The following EARS2 variants were observed in gnomAD, a reference collection of about 807,000 sequenced individuals.
The protein encoded by EARS2 is nondiscriminating glutamyl-tRNA synthetase EARS2, mitochondrial.
Under a neutral mutation model 54.1 loss-of-function variants are expected in EARS2, and 50 were observed. The observed-to-expected ratio is 0.92, with a 90% confidence interval of 0.74 to 1.17. EARS2 has a LOEUF of 1.17. Among genes scored for constraint, EARS2 ranks in the 50% most tolerant of loss-of-function variants. EARS2 has a pLI of 0.00. For missense variants in EARS2, 673 were observed against 675.0 expected (o/e 1.00, Z 0.03); for synonymous variants, 298 against 281.0 (o/e 1.06, Z -0.61).
At chr16:23,549,188 G>A (rs967714349) in intron 2 of EARS2, among the ~76,000 whole-genome samples, 5 of 152,222 alleles carry the variant, frequency 3.3e-5, no homozygotes, top group African/African-American at 1.2e-4. Context: ...AGCTGAGACA[G>A]TGCTGGGGAC....
chr16:23,557,035 T>G, intron 1 of EARS2, 170 bp downstream of exon 1: 1 of 1,018,432 alleles, frequency 9.8e-7, no homozygotes, highest in Non-Finnish European at 1.5e-6. Flanking sequence ...ATTTGAATTA[T>G]TTCCGCTCCT....
At chr16:23,533,000 T>C (rs1965352505) in intron 4 of EARS2, among the ~76,000 whole-genome samples, 3 of 152,118 alleles carry the variant, frequency 2.0e-5, no homozygotes, top group African/African-American at 2.4e-5. Flanking sequence ...TAAATTTTTC[T>C]GTAGAGCCAG....
intron 1 of EARS2, among the ~76,000 whole-genome samples, chr16:23,555,620 A>G (rs562585668): frequency 6.6e-6 from 1 of 152,380 alleles, no homozygotes; most frequent in African/African-American, 2.4e-5. Flanking sequence ...AAAGTGTGCA[A>G]TCCAGTGCTG....
chr16:23,526,772 A>G (rs1965235560), intron 7 of EARS2, among the ~76,000 whole-genome samples: 1 of 151,992 alleles, frequency 6.6e-6, no homozygotes, highest in Admixed American at 6.6e-5. Context: ...CAACCCCCAC[A>G]TCCTGGCAGT....
intron 5 of EARS2, among the ~76,000 whole-genome samples, chr16:23,530,191 T>C (rs1965300942): frequency 6.6e-6 from 1 of 152,122 alleles, no homozygotes; most frequent in African/African-American, 2.4e-5. Context: ...AGTACCACGA[T>C]CATGGCTCAC....
chr16:23,536,166 C>T (rs1370101800), intron 3 of EARS2, among the ~76,000 whole-genome samples: 2 of 152,156 alleles, frequency 1.3e-5, no homozygotes, highest in East Asian at 1.9e-4. Flanking sequence ...TAACTAGGTC[C>T]CCAGGTGATC....
rs975878878 is a variant in EARS2 at position 23,544,955 on chromosome 16, C to A, written c.296-252G>T. The stretch of plus-strand genomic sequence containing the variant: ...CTCCCAAGTTCAAGCGGTTCTCCTG[C>A]CTCAGCCTCCCGAATAGCTGGGATT... On this transcript the variant is annotated intron_variant, in intron 2 of 8. Coordinates refer to ENST00000449606, the MANE Select transcript of EARS2 (RefSeq NM_001083614.2). The A allele has an allele frequency of 2.4e-4, 91 of 375,278 alleles. No homozygotes were observed. In the Admixed American group the frequency reaches 3.4e-3, roughly 14 times the overall value. 23.2% of individuals were successfully genotyped at this position (375,278 alleles called of 1,614,324 possible). A position where few individuals can be genotyped will look rare whatever the true frequency, so the allele number is the denominator to read the frequency against.
At chr16:23,557,112 T>C (rs1162103125) in intron 1 of EARS2, 93 bp downstream of exon 1, 3 of 1,468,024 alleles carry the variant, frequency 2.0e-6, no homozygotes, top group South Asian at 1.4e-5. Context: ...CCGCCCACTC[T>C]GACACCACCG....
rs758908508 is a variant in EARS2, at chr16:23,535,305, T to C, written c.541A>G (p.Lys181Glu). ...AAGCGGATCGCAGGCTTGGGGTCCTTGGCCAGCTTCTGGGCCACCTGCTCC... is the reference window on the plus strand; with the variant it reads ...AAGCGGATCGCAGGCTTGGGGTCCTCGGCCAGCTTCTGGGCCACCTGCTCC... ...SQEQVAQKLA[K>E]DPKPAIRFRL... The change falls in exon 4 of 9, where the codon AAG (lysine) becomes GAG (glutamate). Residue 181 changes from lysine (K) to glutamate (E), a missense_variant. Physicochemically the swap from Lys to Glu is moderately conservative, Grantham distance 56. Coordinates refer to ENST00000449606, the MANE Select transcript of EARS2 (RefSeq NM_001083614.2). 17 of 1,603,708 alleles carry C rather than the reference T, an allele frequency of 1.1e-5. No homozygotes were observed. Among genetic ancestry groups the C allele is most frequent in the Non-Finnish European group, 1.3e-5 (15 of 1,179,960 alleles).
rs1331024941 is a variant in EARS2, at chr16:23,557,306, C to T, written c.38G>A (p.Arg13Lys). The change falls in exon 1 of 9, where the codon AGG becomes AAG. Residue 13 changes from arginine to lysine, a missense_variant. Arg to Lys is a conservative substitution (Grantham distance 26). Transcript: ENST00000449606. Reference protein sequence around the residue: ...ALLRRLLQRERPSAASGRPVG... With the variant: ...ALLRRLLQREKPSAASGRPVG... ...GGGGCGGCCAGAGGCCGCCGAAGGC[C>T]TCTCGCGCTGCAGCAGTCTCCTCAG... is the stretch of plus-strand genomic sequence containing the variant. 2.0e-6 allele frequency: 3 copies of T among 1,522,386 alleles called. No individual in the cohort carries two copies. Among genetic ancestry groups the T allele is most frequent in the South Asian group, 2.4e-5 (2 of 82,016 alleles). The allele number at this position is 1,522,386 out of a possible 1,614,324, so 94.3% of individuals were successfully genotyped here.
At chr16:23,553,706 A>G (rs948122086) in intron 1 of EARS2, among the ~76,000 whole-genome samples, 14 of 152,100 alleles carry the variant, frequency 9.2e-5, no homozygotes, top group Admixed American at 2.6e-4. Flanking sequence ...CCTGGCCAAC[A>G]TGTTGAAACC....
At chr16:23,541,042 T>C (rs1965503629) in intron 3 of EARS2, among the ~76,000 whole-genome samples, 1 of 150,890 alleles carries the variant, frequency 6.6e-6, no homozygotes, top group South Asian at 2.1e-4. Flanking sequence ...AGGCCGAGTG[T>C]CGTAGCTCAT....
chr16:23,552,034 C>T, intron 2 of EARS2, 115 bp downstream of exon 2: 1 of 1,338,896 alleles, frequency 7.5e-7, no homozygotes, highest in Non-Finnish European at 1.0e-6. Flanking sequence ...CAAATGTAGC[C>T]ACTTCTCCAG....
At chr16:23,553,960 C>T (rs1348960812) in intron 1 of EARS2, among the ~76,000 whole-genome samples, 3 of 151,316 alleles carry the variant, frequency 2.0e-5, no homozygotes, top group Admixed American at 6.6e-5. Flanking sequence ...CTGTCCACGT[C>T]GTACATTTTA....
chr16:23,535,445 T>G, intron 3 of EARS2, 85 bp from the exon 4 acceptor site: 1 of 1,308,170 alleles, frequency 7.6e-7, no homozygotes, highest in Non-Finnish European at 1.1e-6. Context: ...TGTGTGACCT[T>G]AAGCAAGTCA....
In EARS2 at chr16:23,552,323, CAG is replaced by C; in HGVS notation, c.140-21_140-20del. ...AAGAAGCCTGGAGAAGAGAACAGCT[CAG>C]ATAAGACAGGGAAGATAAGCTAATA... On this transcript the variant is annotated intron_variant, in intron 1 of 8. Coordinates refer to ENST00000449606, the MANE Select transcript of EARS2 (RefSeq NM_001083614.2). 1.2e-6 allele frequency: 2 copies of C among 1,612,258 alleles called. No homozygotes were observed. Among genetic ancestry groups the C allele is most frequent in the Non-Finnish European group, 1.7e-6 (2 of 1,178,502 alleles).
At chr16:23,529,924 T>C (rs1222409087) in intron 5 of EARS2, 27 bp from the exon 6 acceptor site, 4 of 1,611,568 alleles carry the variant, frequency 2.5e-6, no homozygotes, top group Non-Finnish European at 3.4e-6. Context: ...GGGGCTGCCC[T>C]GCTGTCAACA....
chr16:23,557,050 C>T lies in EARS2; in HGVS notation c.139+155G>A, dbSNP rs1014735170. The T allele has an allele frequency of 4.6e-5, 52 of 1,139,918 alleles. No individual in the cohort carries two copies. In the African/African-American group the frequency reaches 6.8e-4, roughly 15 times the overall value. The allele number at this position is 1,139,918 out of a possible 1,614,324, so 70.6% of individuals were successfully genotyped here. On this transcript the variant is annotated intron_variant, in intron 1 of 8. Transcript: ENST00000449606. Reference sequence around the variant, plus strand: ...ATTTGAATTATTTCCGCTCCTGCACCTCAGTTTCCGCCTCTGTAAAATGGG... The same window carrying T: ...ATTTGAATTATTTCCGCTCCTGCACTTCAGTTTCCGCCTCTGTAAAATGGG...
rs1965178572 is a variant in EARS2, at chr16:23,523,771, G to A, written c.*600C>T. On this transcript the variant is annotated 3_prime_UTR_variant, in exon 9 of 9. Transcript: ENST00000449606. ...AGAGGTGATTAACTTAAATGAGGCT[G>A]GTTAAAGTTAAAATCCAGTCCAACT... The A allele has an allele frequency of 6.6e-6, 1 of 152,290 alleles. No individual in the cohort carries two copies. Among genetic ancestry groups the A allele is most frequent in the African/African-American group, 2.4e-5 (1 of 41,422 alleles). The allele number at this position is 152,290 out of a possible 1,614,324, so 9.4% of individuals were successfully genotyped here. A position where few individuals can be genotyped will look rare whatever the true frequency, so the allele number is the denominator to read the frequency against.
Sources: allele counts gnomAD v4.1 joint callset (sites outside exome capture counted in the v4.1 genomes callset), GRCh38; gene constraint gnomAD v4.1.1; transcripts MANE v1.5; gene names NCBI Gene and HGNC (gene_info 2026-07-23, HGNC 2026-07-21).